The following NUBP1 variants were observed in gnomAD, a reference collection of about 807,000 sequenced individuals.
The protein encoded by NUBP1 is cytosolic Fe-S cluster assembly factor NUBP1.
In NUBP1, 46 loss-of-function variants were observed where a neutral mutation model predicts 41.8. That is an observed-to-expected ratio of 1.10 (90% confidence interval 0.87 to 1.41). The LOEUF (loss-of-function observed/expected upper bound fraction) is 1.41, where lower values mean the gene tolerates loss of function less well. Ranked by LOEUF, NUBP1 falls within the 40% of genes most tolerant of loss-of-function variation. The pLI is 0.00. For synonymous variants in NUBP1, 189 were observed against 154.6 expected, an observed-to-expected ratio of 1.22 and a Z score of -1.65; for missense variants, 494 against 414.0, an observed-to-expected ratio of 1.19 and a Z score of -1.68.
In NUBP1 at chr16:10,766,403, A is replaced by G. The variant is rs1434204725; in HGVS notation, c.821-1546A>G. ...CTTGGAGAGGTGGGAGCCCAGGGGGAAATGCAGTTAGGAAGGGAAAACACT... is the reference window on the plus strand; with the variant it reads ...CTTGGAGAGGTGGGAGCCCAGGGGGGAATGCAGTTAGGAAGGGAAAACACT... On this transcript the variant is annotated intron_variant, in intron 9 of 10. Transcript: ENST00000283027. This position sits in a 1 kb window ranked among gnomAD's most constrained non-coding sequence, Gnocchi z 4.8. Among the ~76,000 whole-genome samples, 2 of 151,988 alleles carry G rather than the reference A, an allele frequency of 1.3e-5. No homozygotes were observed. Among genetic ancestry groups the G allele is most frequent in the African/African-American group, 2.4e-5 (1 of 41,364 alleles).
At chr16:10,762,359 T>A (rs1798972330) in intron 9 of NUBP1, among the ~76,000 whole-genome samples, 1 of 152,108 alleles carries the variant, frequency 6.6e-6, no homozygotes, top group Admixed American at 6.5e-5. Context: ...CAAAAAATGC[T>A]CTTCTTAAGT....
At chr16:10,755,234 G>C (rs993962089) in intron 4 of NUBP1, among the ~76,000 whole-genome samples, 3 of 152,252 alleles carry the variant, frequency 2.0e-5, no homozygotes, top group African/African-American at 4.8e-5. Flanking sequence ...ACACCTGCTG[G>C]GGGGAAGAGG....
In NUBP1 at chr16:10,761,872, AGT is replaced by A; in HGVS notation, c.820+17_820+18del. The A allele has an allele frequency of 1.2e-6, 2 of 1,604,204 alleles. No individual in the cohort carries two copies. The highest frequency in any genetic ancestry group is 1.7e-6 in the Non-Finnish European group (2 of 1,171,656). ...GATCCGCTCATAGGTGGGTGACCCCAGTGTGGGGCGGCACCTCACTCCTCGGT... is the reference window on the plus strand; with the variant it reads ...GATCCGCTCATAGGTGGGTGACCCCAGTGGGGCGGCACCTCACTCCTCGGT... On this transcript the variant is annotated intron_variant, in intron 9 of 10. Coordinates refer to ENST00000283027, the MANE Select transcript of NUBP1 (RefSeq NM_002484.4).
In NUBP1 at chr16:10,757,841, A is replaced by C. The variant is rs1316082434; in HGVS notation, c.452-32A>C. The C allele has an allele frequency of 1.3e-6, 2 of 1,597,530 alleles. No homozygotes were observed. The highest frequency in any genetic ancestry group is 1.7e-6 in the Non-Finnish European group (2 of 1,167,420). ...TTGAAAGTACAGAAAAGAAAGGAAA[A>C]GTAAGCATCCCCTGTGGATTCCTCT... is the stretch of plus-strand genomic sequence containing the variant. On this transcript the variant is annotated intron_variant, in intron 6 of 10. Coordinates refer to ENST00000283027, the MANE Select transcript of NUBP1 (RefSeq NM_002484.4). This position sits in a 1 kb window ranked among gnomAD's most constrained non-coding sequence, Gnocchi z 4.1.
chr16:10,767,126 C>A lies in NUBP1; in HGVS notation c.821-823C>A. On this transcript the variant is annotated intron_variant, in intron 9 of 10. Coordinates refer to ENST00000283027, the MANE Select transcript of NUBP1 (RefSeq NM_002484.4). The surrounding 1 kb of genome is among the most constrained non-coding windows in gnomAD (Gnocchi z 4.6). Reference sequence around the variant, plus strand: ...GGTGACCGGCCATGGGCAGTGCAGTCACTTGCCTGTTTCGCCAGCAGCTCA... The same window carrying A: ...GGTGACCGGCCATGGGCAGTGCAGTAACTTGCCTGTTTCGCCAGCAGCTCA... 2.5e-6 allele frequency: 1 copy of A among 398,914 alleles called. No homozygotes were observed. Among genetic ancestry groups the A allele is most frequent in the Non-Finnish European group, 4.4e-6 (1 of 226,302 alleles). 24.7% of individuals were successfully genotyped at this position (398,914 alleles called of 1,614,324 possible).
rs2030951029 is a variant in NUBP1 at position 10,766,810 on chromosome 16, C to A, written c.821-1139C>A. ...TTAAATACCCTCTACTTGAGGTACGCCCTATATAAACGAAAAGGATGAAGT... is the reference window on the plus strand; with the variant it reads ...TTAAATACCCTCTACTTGAGGTACGACCTATATAAACGAAAAGGATGAAGT... On this transcript the variant is annotated intron_variant, in intron 9 of 10. Transcript: ENST00000283027. The surrounding 1 kb of genome is among the most constrained non-coding windows in gnomAD (Gnocchi z 4.8). 2.5e-6 allele frequency: 1 copy of A among 397,494 alleles called. No individual in the cohort carries two copies. Among genetic ancestry groups the A allele is most frequent in the Non-Finnish European group, 4.4e-6 (1 of 225,956 alleles). The allele number at this position is 397,494 out of a possible 1,614,324, so 24.6% of individuals were successfully genotyped here.
intron 7 of NUBP1, 44 bp downstream of exon 7, chr16:10,758,071 C>T (rs756485560): frequency 1.9e-6 from 3 of 1,593,232 alleles, no homozygotes; most frequent in Non-Finnish European, 2.6e-6. Context: ...CTGTGCTCCA[C>T]ACTGTGAGAT....
At chr16:10,762,680 C>G (rs1165257045) in intron 9 of NUBP1, among the ~76,000 whole-genome samples, 1 of 152,194 alleles carries the variant, frequency 6.6e-6, no homozygotes, top group African/African-American at 2.4e-5. Flanking sequence ...GGAGTGCCGG[C>G]TGCACCCATG....
chr16:10,761,666 T>C, intron 8 of NUBP1, 91 bp from the exon 9 acceptor site: 1 of 726,826 alleles, frequency 1.4e-6, no homozygotes, highest in Non-Finnish European at 2.1e-6. Context: ...AACTAAGCCT[T>C]TTTTTTTTTT....
chr16:10,761,664 CTT>C (rs36097495), intron 8 of NUBP1, 91 bp from the exon 9 acceptor site: 8,093 of 898,142 alleles, frequency 9.0e-3, no homozygotes, highest in Non-Finnish European at 0.011. Flanking sequence ...CAAACTAAGC[CTT>C]TTTTTTTTTT....
At chr16:10,762,794 G>A (rs1463020371) in intron 9 of NUBP1, among the ~76,000 whole-genome samples, 1 of 152,042 alleles carries the variant, frequency 6.6e-6, no homozygotes, top group East Asian at 1.9e-4. Context: ...GCCTGGCCAG[G>A]AGAGGGTGGG....
intron 3 of NUBP1, among the ~76,000 whole-genome samples, chr16:10,751,111 A>G (rs1900293202): frequency 6.6e-6 from 1 of 152,164 alleles, no homozygotes; most frequent in East Asian, 1.9e-4. Flanking sequence ...CACGGGAGTG[A>G]GAGAGTGCGC....
At position 10,765,077 on chromosome 16, in the gene NUBP1, G is replaced by A. The variant is rs929810967; in HGVS notation, c.821-2872G>A. On this transcript the variant is annotated intron_variant, in intron 9 of 10. Coordinates refer to ENST00000283027, the MANE Select transcript of NUBP1 (RefSeq NM_002484.4). The surrounding 1 kb of genome is among the most constrained non-coding windows in gnomAD (Gnocchi z 4.0). ...CACTAGCTAGGAGCAGCCTGGGAGTGGCATTGCCTCAACACAAACGTGGTG... is the reference window on the plus strand; with the variant it reads ...CACTAGCTAGGAGCAGCCTGGGAGTAGCATTGCCTCAACACAAACGTGGTG... 1 of 154,808 alleles carries A rather than the reference G, an allele frequency of 6.5e-6. No homozygotes were observed. Among genetic ancestry groups the A allele is most frequent in the African/African-American group, 2.4e-5 (1 of 41,450 alleles). 9.6% of individuals were successfully genotyped at this position (154,808 alleles called of 1,614,324 possible).
chr16:10,744,612 T>A (rs1311695037), intron 2 of NUBP1, among the ~76,000 whole-genome samples: 1 of 152,188 alleles, frequency 6.6e-6, no homozygotes, highest in Non-Finnish European at 1.5e-5. Context: ...TTAGCTTTAC[T>A]GGGGAAACAA....
chr16:10,755,654 C>G, intron 4 of NUBP1, 67 bp from the exon 5 acceptor site: 1 of 1,444,512 alleles, frequency 6.9e-7, no homozygotes, highest in Non-Finnish European at 9.7e-7. Flanking sequence ...TACAATTTGT[C>G]TGTGCATGAA....
Position 10,761,366 on chromosome 16 carries a change from G to A in NUBP1, c.609G>A (p.Glu203=). ...CACTGGTCTTTTCACCTTCGTAGGA[G>A]GTGTCACTCCAGGATGTCCGGAAAG... ...DGAVIITTPQ[E]VSLQDVRKEI... is the part of the protein sequence containing the mutation. Residue 203 remains glutamate (E), a splice_region_variant and synonymous_variant, in exon 8 of 11, where the codon GAG becomes GAA. Coordinates refer to ENST00000283027, the MANE Select transcript of NUBP1 (RefSeq NM_002484.4). The A allele has an allele frequency of 6.2e-7, 1 of 1,613,868 alleles. No homozygotes were observed. Among genetic ancestry groups the A allele is most frequent in the South Asian group, 1.1e-5 (1 of 91,052 alleles).
intron 9 of NUBP1, among the ~76,000 whole-genome samples, chr16:10,764,243 A>G (rs1245062242): frequency 6.6e-6 from 1 of 152,268 alleles, no homozygotes; most frequent in African/African-American, 2.4e-5. Flanking sequence ...GGAGCATCTT[A>G]GCCTGCTGGA....
chr16:10,761,891 C>G, intron 9 of NUBP1, 32 bp downstream of exon 9: 1 of 1,543,142 alleles, frequency 6.5e-7, no homozygotes, highest in Non-Finnish European at 8.9e-7. Flanking sequence ...CGGCACCTCA[C>G]TCCTCGGTCA....
intron 7 of NUBP1, among the ~76,000 whole-genome samples, 170 bp downstream of exon 7, chr16:10,758,197 A>G (rs1900698840): frequency 6.6e-6 from 1 of 152,188 alleles, no homozygotes; most frequent in Non-Finnish European, 1.5e-5. Flanking sequence ...TTCAGCCAGC[A>G]CAGTGATTCA....
Sources: gnomAD v4.1 joint callset for allele counts (sites outside exome capture counted in the v4.1 genomes callset) on GRCh38, gnomAD v4.1.1 for gene constraint, Gnocchi (gnomAD v3.1) non-coding constraint, MANE v1.5 for transcripts, NCBI Gene and HGNC (gene_info 2026-07-23, HGNC 2026-07-21) for gene names.